The following CSMD1 variants were observed in gnomAD, a reference collection of about 807,000 sequenced individuals.
CSMD1 encodes the protein CUB and sushi domain-containing protein 1.
CSMD1 carries 213 observed loss-of-function variants against 417.5 expected under a neutral mutation model. The ratio of observed to expected loss-of-function variants is 0.51; its 90% CI spans 0.46 to 0.57. The LOEUF is 0.57. Ranked by LOEUF, CSMD1 falls within the 20% of genes least tolerant of loss-of-function variation. CSMD1 has a pLI of 0.00. For missense variants in CSMD1, 6,923 were observed against 4,529.7 expected (o/e 1.53, Z -15.17); for synonymous variants, 2,862 against 1,736.8 (o/e 1.65, Z -16.11).
chr8:3,348,307 T>TA, intron 21 of CSMD1, 146 bp from the exon 22 acceptor site: 2 of 626,398 alleles, frequency 3.2e-6, no homozygotes, highest in Non-Finnish European at 5.2e-6. Flanking sequence ...GATCAGTGAT[T>TA]TTTTTTTATT....
At chr8:4,482,287 T>G (rs185985302) in intron 2 of CSMD1, among the ~76,000 whole-genome samples, 98 of 152,296 alleles carry the variant, frequency 6.4e-4, no homozygotes, top group African/African-American at 2.1e-3. Context: ...GTTGTTCCTC[T>G]CTGTGTGTCC....
chr8:4,042,540 A>G (rs1660960002), intron 3 of CSMD1, among the ~76,000 whole-genome samples: 1 of 152,128 alleles, frequency 6.6e-6, no homozygotes, highest in Non-Finnish European at 1.5e-5. Context: ...ACCACAAGGA[A>G]TATTAAAATG....
chr8:4,221,737 T>C (rs548925615), intron 3 of CSMD1, among the ~76,000 whole-genome samples: 16 of 152,282 alleles, frequency 1.1e-4, no homozygotes, highest in Admixed American at 3.3e-4. Flanking sequence ...AATTAGACTA[T>C]GGGATGCTGG....
Position 4,189,769 on chromosome 8 carries a change from C to T in CSMD1, c.416-157670G>A, listed in dbSNP as rs528449751. On this transcript the variant is annotated intron_variant, in intron 3 of 69. Transcript: ENST00000635120. ...ATCTTGATAAATTATGAAGATTAAACAGGCACACAAAGGATAATTTTATCT... is the reference window on the plus strand; with the variant it reads ...ATCTTGATAAATTATGAAGATTAAATAGGCACACAAAGGATAATTTTATCT... 3.2e-3 allele frequency among the ~76,000 whole-genome samples: 484 copies of T among 152,226 alleles called. 3 individuals carry two copies. Among genetic ancestry groups the T allele is most frequent in the Non-Finnish European group, 5.2e-3 (353 of 68,018 alleles).
chr8:3,088,761 A>C (rs1814715500), intron 48 of CSMD1, among the ~76,000 whole-genome samples: 1 of 151,336 alleles, frequency 6.6e-6, no homozygotes, highest in Non-Finnish European at 1.5e-5. Context: ...TAAGTTTTGA[A>C]TGAACCAAAA....
intron 26 of CSMD1, among the ~76,000 whole-genome samples, chr8:3,269,288 A>G (rs28379685): frequency 0.29 from 44,140 of 151,998 alleles, 6,622 homozygotes; most frequent in Non-Finnish European, 0.34. Context: ...GTTCTCTGCC[A>G]GTCCCATGAG....
intron 1 of CSMD1, among the ~76,000 whole-genome samples, chr8:4,693,928 A>G (rs1483109300): frequency 6.6e-6 from 1 of 152,200 alleles, no homozygotes. Context: ...AAGGTCACAA[A>G]TGGTTTCTTT....
At chr8:3,493,762 C>G (rs1444547171) in intron 10 of CSMD1, 36 bp from the exon 11 acceptor site, 4 of 1,542,328 alleles carry the variant, frequency 2.6e-6, no homozygotes, top group Non-Finnish European at 3.5e-6. Context: ...CTTAGAACAA[C>G]AGGTACTTCC....
chr8:3,849,482 G>C (rs1028992443), intron 5 of CSMD1, among the ~76,000 whole-genome samples: 1 of 152,108 alleles, frequency 6.6e-6, no homozygotes, highest in Non-Finnish European at 1.5e-5. Context: ...CATCTGAATT[G>C]GAATCCATCA....
chr8:3,638,587 A>G (rs1300617233), intron 7 of CSMD1, among the ~76,000 whole-genome samples: 1 of 152,186 alleles, frequency 6.6e-6, no homozygotes. Flanking sequence ...GCAATCTGGA[A>G]AGGGTCAGAA....
intron 26 of CSMD1, among the ~76,000 whole-genome samples, chr8:3,270,359 C>T (rs1329147511): frequency 6.6e-6 from 1 of 152,056 alleles, no homozygotes; most frequent in African/African-American, 2.4e-5. Flanking sequence ...CCTGGCCTTT[C>T]CATCCTCTTA....
intron 5 of CSMD1, among the ~76,000 whole-genome samples, chr8:3,788,805 G>T (rs896361836): frequency 6.6e-6 from 1 of 152,178 alleles, no homozygotes; most frequent in Admixed American, 6.5e-5. Context: ...ACACAGGACA[G>T]ACGCATTTAT....
At chr8:4,590,163 T>C (rs987649228) in intron 2 of CSMD1, among the ~76,000 whole-genome samples, 3 of 151,394 alleles carry the variant, frequency 2.0e-5, no homozygotes, top group African/African-American at 7.3e-5. Context: ...CTCAGAATTC[T>C]TTATGCTGTT....
chr8:3,402,814 G>T (rs1225362962), intron 15 of CSMD1, among the ~76,000 whole-genome samples: 2 of 151,788 alleles, frequency 1.3e-5, no homozygotes, highest in East Asian at 3.9e-4. Context: ...TTATTAATAG[G>T]ATCCTAATTT....
chr8:4,542,308 T>A (rs180811422), intron 2 of CSMD1, among the ~76,000 whole-genome samples: 5 of 152,296 alleles, frequency 3.3e-5, no homozygotes, highest in African/African-American at 9.6e-5. Context: ...TATGTTAATA[T>A]AAATTGTCGT....
chr8:4,687,287 C>T (rs202113797), intron 1 of CSMD1, among the ~76,000 whole-genome samples: 1 of 152,160 alleles, frequency 6.6e-6, no homozygotes, highest in Admixed American at 6.5e-5. Flanking sequence ...AGGAGCCTTA[C>T]TGAGGACAGA....
intron 2 of CSMD1, among the ~76,000 whole-genome samples, chr8:4,518,709 T>G (rs1226572926): frequency 6.6e-6 from 1 of 151,972 alleles, no homozygotes; most frequent in African/African-American, 2.4e-5. Context: ...GGCACATGTA[T>G]ACATATGTAA....
chr8:3,191,604 A>G (rs1236055751), intron 33 of CSMD1, among the ~76,000 whole-genome samples: 1 of 152,140 alleles, frequency 6.6e-6, no homozygotes, highest in East Asian at 1.9e-4. Context: ...TGGGCTTTGG[A>G]TAGTGGGTAC....
At chr8:4,883,622 C>A (rs1803551257) in intron 1 of CSMD1, among the ~76,000 whole-genome samples, 1 of 151,994 alleles carries the variant, frequency 6.6e-6, no homozygotes, top group African/African-American at 2.4e-5. Context: ...TATAATCTGT[C>A]AAGGTTAATT....
Sources: allele counts gnomAD v4.1 joint callset (sites outside exome capture counted in the v4.1 genomes callset), GRCh38; gene constraint gnomAD v4.1.1; transcripts MANE v1.5; gene names NCBI Gene and HGNC (gene_info 2026-07-23, HGNC 2026-07-21).